Variants in SART3 observed in about 807,000 individuals in gnomAD.
SART3 encodes HIV-1 Tat-interacting protein of 110kDa.
Under a neutral mutation model 122.3 loss-of-function variants are expected in SART3, and 44 were observed. The ratio of observed to expected loss-of-function variants is 0.36; its 90% CI spans 0.28 to 0.46. The LOEUF is 0.46. SART3 is among the 20% of genes least tolerant of loss of function. The pLI is 1.00. For synonymous variants in SART3, 442 were observed against 454.0 expected (o/e 0.97, Z 0.34); for missense variants, 1,101 against 1,229.0 (o/e 0.90, Z 1.56).
chr12:108,530,160 A>C lies in SART3; in HGVS notation c.1897T>G (p.Trp633Gly). Residue 633 changes from tryptophan (W) to glycine (G), a missense_variant, in exon 15 of 19, where the codon TGG becomes GGG. Trp to Gly is a radical substitution (Grantham distance 184). This residue lies in a region of SART3 where 885 missense variants were observed against 1,080.1 expected (regional missense o/e 0.82). Transcript: ENST00000546815. The part of the protein sequence containing the change: ...RGADEDDEKE[W>G]GDDEEEQPSK... ...TCCTTACCTTCTTCATCATCGCCCC[A>C]CTCTTTCTCATCATCCTCATCTGCT... 1.2e-6 allele frequency: 2 copies of C among 1,613,778 alleles called. No homozygotes were observed. The highest frequency in any genetic ancestry group is 1.7e-6 in the Non-Finnish European group (2 of 1,179,942).
At chr12:108,558,162 CA>C (rs879755406) in intron 1 of SART3, among the ~76,000 whole-genome samples, 45 of 145,624 alleles carry the variant, frequency 3.1e-4, no homozygotes, top group Admixed American at 4.8e-4. Flanking sequence ...GAGATGCTCT[CA>C]AAAAAAAAAA....
chr12:108,523,010 G>A lies in SART3; in HGVS notation c.*447C>T, dbSNP rs1872195890. On this transcript the variant is annotated 3_prime_UTR_variant, in exon 19 of 19. Coordinates refer to ENST00000546815, the MANE Select transcript of SART3 (RefSeq NM_014706.4). ...TCCCTCAGACCCACCCCCACAAGAG[G>A]CCATTCTGTGAATTACTAGCATCTG... The A allele has an allele frequency of 5.3e-6, 1 of 188,090 alleles. No individual in the cohort carries two copies. The highest frequency in any genetic ancestry group is 5.4e-5 in the Admixed American group (1 of 18,658). The allele number at this position is 188,090 out of a possible 1,614,324, so 11.7% of individuals were successfully genotyped here.
At chr12:108,535,330 G>T (rs1331902463) in intron 12 of SART3, 29 bp downstream of exon 12, 3 of 1,568,562 alleles carry the variant, frequency 1.9e-6, no homozygotes, top group Non-Finnish European at 2.6e-6. Flanking sequence ...GACAAGCACT[G>T]CCTCCCTCCC....
chr12:108,530,769 A>T (rs1327607192), intron 14 of SART3, among the ~76,000 whole-genome samples: 1 of 152,058 alleles, frequency 6.6e-6, no homozygotes, highest in African/African-American at 2.4e-5. Flanking sequence ...GAGGCAGAAG[A>T]ATGGCGTGAA....
intron 1 of SART3, among the ~76,000 whole-genome samples, chr12:108,552,486 A>G (rs1023103239): frequency 7.1e-6 from 1 of 140,568 alleles, no homozygotes; most frequent in Non-Finnish European, 1.6e-5. Context: ...AAAAAAAAAA[A>G]CTCCAAAAAT....
At chr12:108,545,958 ACT>A (rs1816415631) in intron 3 of SART3, among the ~76,000 whole-genome samples, 2 of 100,928 alleles carry the variant, frequency 2.0e-5, no homozygotes, top group Non-Finnish European at 2.0e-5. Flanking sequence ...AAAGAGTAAG[ACT>A]CTCTCTCAAA....
At chr12:108,525,698 A>C in intron 16 of SART3, 89 bp from the exon 17 acceptor site, 1 of 1,367,712 alleles carries the variant, frequency 7.3e-7, no homozygotes, top group Non-Finnish European at 1.0e-6. Context: ...TGTCCCCATG[A>C]GCAGCCCAGC....
chr12:108,525,846 G>C, intron 16 of SART3: 1 of 622,658 alleles, frequency 1.6e-6, no homozygotes, highest in Non-Finnish European at 2.8e-6. Flanking sequence ...AGTCTCATGA[G>C]GAGTCAATGA....
chr12:108,560,639 C>A, intron 1 of SART3: 1 of 533,002 alleles, frequency 1.9e-6, no homozygotes, highest in South Asian at 2.9e-5. Flanking sequence ...TTCACAGGGT[C>A]GTGGCGAGGA....
At chr12:108,531,798 G>A (rs972241240) in intron 13 of SART3, 3 of 289,356 alleles carry the variant, frequency 1.0e-5, no homozygotes, top group East Asian at 1.8e-4. Context: ...CTCCTTTGTT[G>A]GATAGATGTT....
chr12:108,550,013 CAAAAAAA>C (rs10572379), intron 1 of SART3, among the ~76,000 whole-genome samples: 7 of 88,244 alleles, frequency 7.9e-5, no homozygotes, highest in African/African-American at 2.7e-4. Context: ...GACCCAATCT[CAAAAAAA>C]AAAAAAAAAA....
In SART3 at chr12:108,532,193, C is replaced by T. The variant is rs375220485; in HGVS notation, c.1669+29G>A. ...GACCAAACAGCAAATGGGTTAGGCTCCAAGCCAGAAGAGAGCTGGGGGTCC... is the reference window on the plus strand; with the variant it reads ...GACCAAACAGCAAATGGGTTAGGCTTCAAGCCAGAAGAGAGCTGGGGGTCC... On this transcript the variant is annotated intron_variant, in intron 13 of 18. Transcript: ENST00000546815. 29 of 1,598,150 alleles carry T rather than the reference C, an allele frequency of 1.8e-5. No homozygotes were observed. The African/African-American group carries it at 3.8e-4, about 21-fold the overall frequency.
rs1376998803 is a variant in SART3, at chr12:108,531,865, C to G, written c.1669+357G>C. On this transcript the variant is annotated intron_variant, in intron 13 of 18. Coordinates refer to ENST00000546815, the MANE Select transcript of SART3 (RefSeq NM_014706.4). Reference sequence around the variant, plus strand: ...ATCCTGCCCATCAAGAGACATTTGGCAATGTTAAGAGACATTTCTGGTTGT... The same window carrying G: ...ATCCTGCCCATCAAGAGACATTTGGGAATGTTAAGAGACATTTCTGGTTGT... The G allele has an allele frequency of 7.3e-5, 25 of 340,546 alleles. 1 individual carries two copies. The highest frequency in any genetic ancestry group is 1.3e-4 in the Non-Finnish European group (23 of 174,366). The allele number at this position is 340,546 out of a possible 1,614,324, so 21.1% of individuals were successfully genotyped here.
chr12:108,526,136 G>A lies in SART3; in HGVS notation c.2333C>T (p.Ser778Phe), dbSNP rs1872364931. ...GTTTTTGCTCTTATCCACACAGGGG[G>A]AAACAAACATTGGCCTCCCTTCTAC... ...KSVEGRPMFV[S>F]PCVDKSKNPD... is the part of the protein sequence containing the mutation. Residue 778 changes from serine to phenylalanine, a missense_variant, in exon 16 of 19, where the codon TCC (serine) becomes TTC (phenylalanine). Ser to Phe is a radical substitution (Grantham distance 155). This residue lies in a region of SART3 where 885 missense variants were observed against 1,080.1 expected (regional missense o/e 0.82). Coordinates refer to ENST00000546815, the MANE Select transcript of SART3 (RefSeq NM_014706.4). The A allele has an allele frequency of 1.9e-6, 3 of 1,614,066 alleles. No homozygotes were observed. The highest frequency in any genetic ancestry group is 1.7e-5 in the Admixed American group (1 of 60,012).
Position 108,543,059 on chromosome 12 carries a change from A to G in SART3, c.875T>C (p.Leu292Pro). 6.2e-7 allele frequency: 1 copy of G among 1,614,250 alleles called. No homozygotes were observed. The highest frequency in any genetic ancestry group is 8.5e-7 in the Non-Finnish European group (1 of 1,180,042). Residue 292 changes from leucine (L) to proline (P), a missense_variant, in exon 6 of 19, where the codon CTG becomes CCG. By Grantham distance (98) the Leu-to-Pro change is moderately conservative. Transcript: ENST00000546815. ...TTCTTCATAGGGTTTATATTTCTCC[A>G]GCTGCTGTAGTGCTTTGTTATAGTT... ...IQNYNKALQQ[L>P]EKYKPYEEAL...
At chr12:108,557,812 T>C (rs990284172) in intron 1 of SART3, among the ~76,000 whole-genome samples, 3 of 152,128 alleles carry the variant, frequency 2.0e-5, no homozygotes, top group Non-Finnish European at 4.4e-5. Flanking sequence ...CAAACACATA[T>C]AATGGAAAAT....
intron 13 of SART3, 114 bp downstream of exon 13, chr12:108,532,108 C>T (rs557329812): frequency 3.6e-6 from 3 of 841,076 alleles, no homozygotes; most frequent in Admixed American, 2.0e-5. Flanking sequence ...TAGGGCACCA[C>T]CTAAGGTGGC....
chr12:108,529,047 C>T (rs925588643), intron 15 of SART3, among the ~76,000 whole-genome samples: 19 of 152,106 alleles, frequency 1.2e-4, no homozygotes, highest in African/African-American at 2.2e-4. Context: ...CACTTGAACC[C>T]GGGAAGCGGA....
In SART3 at chr12:108,560,861, A is replaced by G; in HGVS notation, c.294T>C (p.Ile98=). The G allele has an allele frequency of 6.3e-7, 1 of 1,597,028 alleles. No individual in the cohort carries two copies. ...GGCCCACCTGCTCCTCCAGTCTCTC[A>G]ATCTCCAGCTGGTTTTTCTCCTCCT... ...DEEEEKNQLE[I]ERLEEQLSIN... Residue 98 remains isoleucine, a synonymous_variant, in exon 1 of 19, where the codon ATT becomes ATC. Coordinates refer to ENST00000546815, the MANE Select transcript of SART3 (RefSeq NM_014706.4).
Sources: gnomAD v4.1 joint callset for allele counts (sites outside exome capture counted in the v4.1 genomes callset) on GRCh38, gnomAD v4.1.1 for gene constraint, gnomAD v4.1.1 regional missense constraint, MANE v1.5 for transcripts, NCBI Gene and HGNC (gene_info 2026-07-23, HGNC 2026-07-21) for gene names.